The following ANO1 variants were observed in gnomAD, a reference collection of about 807,000 sequenced individuals.
ANO1 encodes the protein anoctamin-1.
Under a neutral mutation model 124.0 loss-of-function variants are expected in ANO1, and 59 were observed. The observed-to-expected ratio is 0.48, with a 90% CI of 0.39 to 0.59. The LOEUF is 0.59. ANO1 is among the 20% of genes least tolerant of loss of function. The pLI, the probability that ANO1 is intolerant of heterozygous loss-of-function variation, is 0.00. For missense variants in ANO1, 1,059 were observed against 1,328.0 expected (o/e 0.80, Z 3.15); for synonymous variants, 529 against 532.0 (o/e 0.99, Z 0.08).
intron 1 of ANO1, among the ~76,000 whole-genome samples, chr11:70,006,100 G>T (rs72935892): frequency 1.3e-5 from 2 of 151,940 alleles, no homozygotes; most frequent in Admixed American, 6.6e-5. Flanking sequence ...GTGGAGACAC[G>T]CTCCGGTCCC....
intron 1 of ANO1, among the ~76,000 whole-genome samples, chr11:70,070,804 C>G (rs1555009211): frequency 6.6e-6 from 1 of 152,190 alleles, no homozygotes; most frequent in African/African-American, 2.4e-5. Context: ...GCTGAATGAA[C>G]CCCTCACTCT....
At chr11:70,131,335 G>A (rs144749305) in intron 10 of ANO1, among the ~76,000 whole-genome samples, 1,909 of 142,074 alleles carry the variant, frequency 0.013, 49 homozygotes, top group African/African-American at 0.044. Flanking sequence ...GTGTGTGTGC[G>A]CGTCTGTGTT....
intron 21 of ANO1, among the ~76,000 whole-genome samples, chr11:70,168,043 C>T (rs1477048956): frequency 6.6e-6 from 1 of 152,294 alleles, no homozygotes; most frequent in East Asian, 1.9e-4. Context: ...GCCTTACCCC[C>T]CTCAATCACG....
chr11:70,041,919 C>T (rs1819863080), intron 1 of ANO1, among the ~76,000 whole-genome samples: 2 of 151,924 alleles, frequency 1.3e-5, no homozygotes, highest in South Asian at 2.1e-4. Flanking sequence ...ACCAACATAC[C>T]ATCAGCAATA....
intron 2 of ANO1, among the ~76,000 whole-genome samples, chr11:70,100,585 C>T (rs1261233893): frequency 1.3e-5 from 2 of 152,132 alleles, no homozygotes; most frequent in African/African-American, 4.8e-5. Context: ...TTCAGGCCTC[C>T]AGAGCTGAAG....
intron 10 of ANO1, among the ~76,000 whole-genome samples, chr11:70,131,590 A>T (rs1231576823): frequency 6.6e-6 from 1 of 152,192 alleles, no homozygotes; most frequent in Non-Finnish European, 1.5e-5. Flanking sequence ...GGCCTCCCAA[A>T]GTACTGGGAT....
Position 70,185,626 on chromosome 11 carries a change from C to G in ANO1, c.2625C>G (p.Asn875Lys). ...ACCGAGAGCCGCCGTGGTCGGAAAA[C>G]AAGTACGACATCTCCAAGGACTTCT... ...KDYREPPWSE[N>K]KYDISKDFWA... is the part of the protein sequence containing the mutation. Residue 875 changes from asparagine (N) to lysine (K), a missense_variant, in exon 25 of 26, where the codon AAC (asparagine) becomes AAG (lysine). By Grantham distance (94) the Asn-to-Lys change is moderately conservative. This residue lies in a region of ANO1 where 809 missense variants were observed against 1,094.9 expected (regional missense o/e 0.74). Transcript: ENST00000355303. 6.2e-7 allele frequency: 1 copy of G among 1,613,856 alleles called. No homozygotes were observed. Among genetic ancestry groups the G allele is most frequent in the Non-Finnish European group, 8.5e-7 (1 of 1,179,822 alleles).
intron 23 of ANO1, 113 bp downstream of exon 23, chr11:70,180,169 A>C (rs1419795317): frequency 1.0e-6 from 1 of 984,860 alleles, no homozygotes; most frequent in African/African-American, 1.6e-5. Context: ...GCCATGGTGC[A>C]GCCCCAGGCT....
intron 22 of ANO1, among the ~76,000 whole-genome samples, chr11:70,171,634 G>A (rs2048476838): frequency 1.3e-5 from 2 of 152,140 alleles, no homozygotes; most frequent in African/African-American, 4.8e-5. Flanking sequence ...GTGGAGAAGG[G>A]GTGTGAGTTT....
chr11:70,162,223 G>C (rs554163939), intron 18 of ANO1, among the ~76,000 whole-genome samples: 187 of 150,296 alleles, frequency 1.2e-3, no homozygotes, highest in African/African-American at 4.3e-3. Context: ...GGGGACCCCA[G>C]GCAGTGAGGA....
In ANO1 at chr11:69,998,032, G is replaced by A. The variant is rs569465082; in HGVS notation, c.58+11866G>A. Among the ~76,000 whole-genome samples, 85 of 152,150 alleles carry A rather than the reference G, an allele frequency of 5.6e-4. No homozygotes were observed. The South Asian group carries it at 0.011, about 20-fold the overall frequency. On this transcript the variant is annotated intron_variant, in intron 1 of 27. Coordinates refer to the ANO1 transcript ENST00000531349. The stretch of plus-strand genomic sequence containing the variant: ...TCCTTCCCAGAGCATCTTTCTCCAC[G>A]CCTCCTCCTCATTCTCTTGGCTTAA...
At chr11:70,010,158 T>TGCGCGC (rs1555000786) in intron 1 of ANO1, among the ~76,000 whole-genome samples, 1 of 62,618 alleles carries the variant, frequency 1.6e-5, no homozygotes, top group African/African-American at 5.7e-5. Context: ...TGTGTGTGTG[T>TGCGCGC]GTGTGTGCGC....
intron 16 of ANO1, among the ~76,000 whole-genome samples, chr11:70,157,405 A>G (rs1341911878): frequency 1.3e-5 from 2 of 148,904 alleles, no homozygotes; most frequent in Non-Finnish European, 3.0e-5. Context: ...GGTGTCCTCC[A>G]AGACCTGATT....
intron 1 of ANO1, among the ~76,000 whole-genome samples, chr11:70,067,420 T>C (rs1857758200): frequency 7.0e-6 from 1 of 143,102 alleles, no homozygotes; most frequent in Admixed American, 7.4e-5. Flanking sequence ...CTCCACCCCC[T>C]AGGTTTAAGC....
In ANO1 at chr11:70,187,990, G is replaced by A. The variant is rs3740722; in HGVS notation, c.2947G>A (p.Gly983Arg). The change falls in exon 26 of 26, where the codon GGG becomes AGG. Residue 983 changes from glycine to arginine, a missense_variant. Gly to Arg is a moderately radical substitution (Grantham distance 125, BLOSUM62 -2). Coordinates refer to ENST00000355303, the MANE Select transcript of ANO1 (RefSeq NM_018043.7). ...GSPAPSHAYH[G>R]GVL ...CCCAGCCCCCAGCCATGCCTACCAC[G>A]GGGGCGTCCTGTAGCTATGCCAGCG... 0.11 allele frequency: 179,023 copies of A among 1,563,906 alleles called. 11,013 individuals carry two copies. Among genetic ancestry groups the A allele is most frequent in the Middle Eastern group, 0.2 (1,144 of 5,706 alleles).
intron 9 of ANO1, among the ~76,000 whole-genome samples, chr11:70,125,360 A>G (rs1172414558): frequency 6.6e-6 from 1 of 150,508 alleles, no homozygotes; most frequent in East Asian, 2.0e-4. Flanking sequence ...ATAAATAAAT[A>G]AATAAATGCA....
upstream of ANO1, among the ~76,000 whole-genome samples, chr11:69,982,406 G>A (rs180720918): frequency 3.9e-5 from 6 of 152,232 alleles, no homozygotes; most frequent in East Asian, 3.9e-4. Context: ...CCCACTCTCC[G>A]GTTGCCCCAG....
chr11:70,112,212 T>C (rs2045812169), intron 7 of ANO1, among the ~76,000 whole-genome samples: 1 of 152,208 alleles, frequency 6.6e-6, no homozygotes, highest in African/African-American at 2.4e-5. Flanking sequence ...CCCATGTCAG[T>C]GGCTGACTTG....
At chr11:70,031,870 G>A (rs782324752) in intron 1 of ANO1, among the ~76,000 whole-genome samples, 3 of 152,204 alleles carry the variant, frequency 2.0e-5, no homozygotes, top group Non-Finnish European at 2.9e-5. Flanking sequence ...ATCAGGGAGT[G>A]TCCTTCCTGC....
Sources: allele counts gnomAD v4.1 joint callset (sites outside exome capture counted in the v4.1 genomes callset), GRCh38; gene constraint gnomAD v4.1.1; regional missense constraint gnomAD v4.1.1; transcripts MANE v1.5; gene names NCBI Gene and HGNC (gene_info 2026-07-23, HGNC 2026-07-21).